Variants in NUDC observed in about 807,000 individuals in gnomAD.
NUDC encodes nuclear distribution C, dynein complex regulator.
Under a neutral mutation model 45.0 loss-of-function variants are expected in NUDC, and 14 were observed. The observed-to-expected ratio is 0.31, with a 90% CI of 0.21 to 0.49. The LOEUF is 0.49. NUDC is among the 20% of genes least tolerant of loss of function. The pLI, the probability that NUDC is intolerant of heterozygous loss-of-function variation, is 0.99. For synonymous variants in NUDC, 153 were observed against 156.7 expected (o/e 0.98, Z 0.17); for missense variants, 323 against 426.2 (o/e 0.76, Z 2.13).
chr1:26,932,495 G>T lies in NUDC; in HGVS notation c.159+8329G>T, dbSNP rs555966591. ...CGCCCGGCCCCCAGCTAATTTTTCT[G>T]TTTTTTTTGTAGAGATGAGGTTTTA... On this transcript the variant is annotated intron_variant, in intron 2 of 8. Coordinates refer to ENST00000321265, the MANE Select transcript of NUDC (RefSeq NM_006600.4). Among the ~76,000 whole-genome samples the T allele has an allele frequency of 3.3e-5, 5 of 151,338 alleles. No individual in the cohort carries two copies. The East Asian group carries it at 9.7e-4, about 29-fold the overall frequency.
chr1:26,914,094 T>G, intron 3 of NUDC: 1 of 564,064 alleles, frequency 1.8e-6, no homozygotes. Flanking sequence ...ACATTGCCCC[T>G]GGCAGGAATG....
intron 3 of NUDC, chr1:26,911,530 A>T: frequency 2.5e-6 from 1 of 392,292 alleles, no homozygotes; most frequent in Non-Finnish European, 4.9e-6. Context: ...AACTTAATTC[A>T]GTTCTGTATA....
rs537681131 is a variant in NUDC, at chr1:26,932,965, AT to A, written c.160-8481del. On this transcript the variant is annotated intron_variant, in intron 2 of 8. Transcript: ENST00000321265. ...TATTCCATTATATGTATATATCACA[AT>A]TTTTTTTTTTCTTTTTGAGACAAGT... is the stretch of plus-strand genomic sequence containing the variant. Among the ~76,000 whole-genome samples, 41 of 148,486 alleles carry A rather than the reference AT, an allele frequency of 2.8e-4. No individual in the cohort carries two copies. The South Asian group carries it at 3.8e-3, about 14-fold the overall frequency.
intron 3 of NUDC, among the ~76,000 whole-genome samples, chr1:26,912,642 G>A (rs375404716): frequency 1.1e-4 from 16 of 152,148 alleles, no homozygotes; most frequent in South Asian, 6.2e-4. Context: ...TCCATCTGCC[G>A]CTCTCCTGGC....
chr1:26,945,798 C>G, intron 8 of NUDC, 112 bp downstream of exon 8: 1 of 863,278 alleles, frequency 1.2e-6, no homozygotes, highest in South Asian at 1.3e-5. Context: ...TGCCCCCTTT[C>G]CAGCCATGTT....
chr1:26,924,835 G>A (rs146903442), intron 2 of NUDC, among the ~76,000 whole-genome samples: 1,896 of 151,956 alleles, frequency 0.012, 42 homozygotes, highest in African/African-American at 0.044. Context: ...ACAGGTATAA[G>A]CCACTGTGCC....
At chr1:26,933,914 G>A (rs1253443790) in intron 2 of NUDC, among the ~76,000 whole-genome samples, 1 of 152,106 alleles carries the variant, frequency 6.6e-6, no homozygotes, top group Non-Finnish European at 1.5e-5. Context: ...CACCACTTTG[G>A]GTGGCCAAGG....
At chr1:26,913,890 G>A (rs2082046166) in intron 3 of NUDC, 1 of 1,486,720 alleles carries the variant, frequency 6.7e-7, no homozygotes, top group Non-Finnish European at 9.0e-7. Flanking sequence ...GAATGGCGGG[G>A]CGGCTTGCAG....
intron 2 of NUDC, among the ~76,000 whole-genome samples, chr1:26,927,399 CTT>C (rs1189665637): frequency 4.6e-5 from 6 of 129,910 alleles, no homozygotes; most frequent in Admixed American, 7.8e-5. Flanking sequence ...TTTTCTTTTT[CTT>C]TTTTTTTTTT....
In NUDC at chr1:26,942,683, A is replaced by G. The variant is rs1305680768; in HGVS notation, c.453A>G (p.Glu151=). Residue 151 remains glutamate (E), a synonymous_variant, in exon 5 of 9, where the codon GAA becomes GAG. Coordinates refer to ENST00000321265, the MANE Select transcript of NUDC (RefSeq NM_006600.4). ...AGGATACTGAGGAAGATGAGGAGGA[A>G]GATGAGAAGGACAAAGGAAAACTGA... ...GKQDTEEDEE[E]DEKDKGKLKP... 8.7e-6 allele frequency: 14 copies of G among 1,614,088 alleles called. No individual in the cohort carries two copies. The highest frequency in any genetic ancestry group is 1.3e-5 in the African/African-American group (1 of 74,942).
chr1:26,900,460 T>C, intron 1 of NUDC: 1 of 1,601,294 alleles, frequency 6.2e-7, no homozygotes, highest in Middle Eastern at 2.0e-4. Flanking sequence ...TGTCACATGA[T>C]CAGCTAGAAC....
chr1:26,924,582 C>T (rs539046974), intron 2 of NUDC, among the ~76,000 whole-genome samples: 1 of 152,324 alleles, frequency 6.6e-6, no homozygotes, highest in African/African-American at 2.4e-5. Context: ...GAGACAGAGT[C>T]TTGCTTTGTC....
intron 3 of NUDC, among the ~76,000 whole-genome samples, chr1:26,914,163 A>G (rs377564550): frequency 7.1e-6 from 1 of 140,426 alleles, no homozygotes; most frequent in African/African-American, 2.5e-5. Context: ...ATATCACCTC[A>G]GTCAATGAAG....
In NUDC at chr1:26,921,958, C is replaced by A; in HGVS notation, c.81+29C>A. On this transcript the variant is annotated intron_variant, in intron 1 of 8. Coordinates refer to ENST00000321265, the MANE Select transcript of NUDC (RefSeq NM_006600.4). ...ACGGCCCGCGCGGCGTCGGCCCACC[C>A]GGCGGCCTTGGCCACGCTCCTTCCG... 1.9e-6 allele frequency: 3 copies of A among 1,546,878 alleles called. No homozygotes were observed. In the Middle Eastern group the frequency reaches 5.1e-4, roughly 265 times the overall value.
chr1:26,900,582 C>G (rs1378407567), intron 1 of NUDC: 1 of 694,246 alleles, frequency 1.4e-6, no homozygotes, highest in African/African-American at 1.8e-5. Context: ...CTGGAAGATC[C>G]GAAGTCTTCT....
intron 2 of NUDC, among the ~76,000 whole-genome samples, chr1:26,908,032 A>G (rs1346927144): frequency 1.3e-5 from 2 of 152,142 alleles, no homozygotes; most frequent in Non-Finnish European, 2.9e-5. Context: ...TACAAAAATT[A>G]GCCAGGCGTG....
At chr1:26,939,813 C>T (rs917948227) in intron 2 of NUDC, among the ~76,000 whole-genome samples, 1 of 152,202 alleles carries the variant, frequency 6.6e-6, no homozygotes, top group Non-Finnish European at 1.5e-5. Context: ...GCGTTTCTAA[C>T]AGGTTCCAGG....
intron 2 of NUDC, among the ~76,000 whole-genome samples, chr1:26,938,491 A>T (rs527258417): frequency 6.6e-6 from 1 of 152,074 alleles, no homozygotes; most frequent in South Asian, 2.1e-4. Flanking sequence ...ATTATGACCT[A>T]TTGTTTCTAC....
At chr1:26,919,042 T>C (rs573989162), upstream of NUDC, among the ~76,000 whole-genome samples, 2 of 151,828 alleles carry the variant, frequency 1.3e-5, no homozygotes, top group South Asian at 2.1e-4. Context: ...CCTCCTAAAG[T>C]GCTGGGATTA....
Sources: gnomAD v4.1 joint callset for allele counts (sites outside exome capture counted in the v4.1 genomes callset) on GRCh38, gnomAD v4.1.1 for gene constraint, MANE v1.5 for transcripts, NCBI Gene and HGNC (gene_info 2026-07-23, HGNC 2026-07-21) for gene names.